IFT57: variants seen among roughly 807,000 people sequenced by gnomAD.
The protein encoded by IFT57 is intraflagellar transport 57.
Under a neutral mutation model 56.8 loss-of-function variants are expected in IFT57, and 59 were observed. The observed-to-expected ratio is 1.04, with a 90% confidence interval of 0.84 to 1.29. The LOEUF (loss-of-function observed/expected upper bound fraction) is 1.29. Ranked by LOEUF, IFT57 falls within the 50% of genes most tolerant of loss-of-function variation. IFT57 has a pLI of 0.00. For synonymous variants in IFT57, 209 were observed against 186.1 expected (o/e 1.12, Z -1.00); for missense variants, 470 against 522.1 (o/e 0.90, Z 0.97).
At chr3:108,176,549 T>C (rs933562305) in intron 6 of IFT57, among the ~76,000 whole-genome samples, 1 of 151,900 alleles carries the variant, frequency 6.6e-6, no homozygotes, top group African/African-American at 2.4e-5. Flanking sequence ...GAATGTTTAT[T>C]ATCCTGGTCG....
At chr3:108,183,387 T>G (rs1387056991) in intron 6 of IFT57, among the ~76,000 whole-genome samples, 1 of 152,138 alleles carries the variant, frequency 6.6e-6, no homozygotes, top group African/African-American at 2.4e-5. Context: ...ACAGCCTCTG[T>G]AGCAATCAGC....
chr3:108,209,177 C>T (rs1030003194), intron 4 of IFT57, among the ~76,000 whole-genome samples: 2 of 152,066 alleles, frequency 1.3e-5, no homozygotes, highest in African/African-American at 2.4e-5. Context: ...TGAATATATT[C>T]GTATGTATTT....
intron 5 of IFT57, among the ~76,000 whole-genome samples, chr3:108,196,821 A>G (rs921153354): frequency 1.1e-4 from 17 of 152,320 alleles, no homozygotes; most frequent in Non-Finnish European, 1.8e-4. Context: ...CCATGTTTGC[A>G]TATCTATTTC....
rs1560098050 is a variant in IFT57 at position 108,162,629 on chromosome 3, A to G, written c.1138T>C (p.Leu380=). 6.2e-7 allele frequency: 1 copy of G among 1,607,882 alleles called. No individual in the cohort carries two copies. Among genetic ancestry groups the G allele is most frequent in the Non-Finnish European group, 8.5e-7 (1 of 1,177,140 alleles). ...ACAGTTTCTTGCTTCAGTTTTGTTA[A>G]GCTCTGTTTAATCTTCACCAAAGGA... ...GAPLVKIKQS[L]TKLKQETVEM... Residue 380 remains leucine, a synonymous_variant, in exon 11 of 11, where the codon TTA becomes CTA. Transcript: ENST00000264538.
At chr3:108,186,611 T>A (rs1221963896) in intron 6 of IFT57, among the ~76,000 whole-genome samples, 1 of 152,150 alleles carries the variant, frequency 6.6e-6, no homozygotes, top group Non-Finnish European at 1.5e-5. Context: ...GCGGAAGAAT[T>A]GGTAATATAC....
intron 4 of IFT57, among the ~76,000 whole-genome samples, chr3:108,207,991 C>T (rs992633860): frequency 5.3e-5 from 8 of 149,908 alleles, no homozygotes; most frequent in East Asian, 2.0e-4. Context: ...TGCAATGAGC[C>T]GAGATTGTGC....
chr3:108,181,700 T>C (rs1027848106), intron 6 of IFT57, among the ~76,000 whole-genome samples: 3 of 152,128 alleles, frequency 2.0e-5, no homozygotes, highest in African/African-American at 7.2e-5. Flanking sequence ...TTTATGGCCT[T>C]ACTATATTAA....
intron 4 of IFT57, among the ~76,000 whole-genome samples, chr3:108,211,928 ATATAG>A (rs2080344360): frequency 2.0e-5 from 3 of 152,206 alleles, no homozygotes; most frequent in Admixed American, 6.5e-5. Context: ...ATTTTATAGC[ATATAG>A]TATAAGTTAC....
At chr3:108,165,971 T>C (rs1248356993) in intron 8 of IFT57, among the ~76,000 whole-genome samples, 2 of 152,094 alleles carry the variant, frequency 1.3e-5, no homozygotes, top group African/African-American at 4.8e-5. Context: ...ATATTAATAT[T>C]AGACAAATAC....
At chr3:108,216,518 T>C (rs1204487813) in intron 3 of IFT57, among the ~76,000 whole-genome samples, 2 of 152,128 alleles carry the variant, frequency 1.3e-5, no homozygotes, top group African/African-American at 4.8e-5. Context: ...CCTTGAACAC[T>C]ATTGGTAGGT....
Position 108,165,509 on chromosome 3 carries a change from T to C in IFT57, c.982-16A>G, listed in dbSNP as rs945552448. 1.2e-6 allele frequency: 2 copies of C among 1,607,422 alleles called. No individual in the cohort carries two copies. Among genetic ancestry groups the C allele is most frequent in the Admixed American group, 1.7e-5 (1 of 59,792 alleles). On this transcript the variant is annotated splice_polypyrimidine_tract_variant and intron_variant, in intron 8 of 10. Coordinates refer to ENST00000264538, the MANE Select transcript of IFT57 (RefSeq NM_018010.4). ...GCTCCTTTGCCTGAGAGGAAAAACA[T>C]TTTGTTTAATGGCAAATTCAAAGCA...
intron 6 of IFT57, among the ~76,000 whole-genome samples, chr3:108,181,182 T>C (rs1314170814): frequency 6.6e-6 from 1 of 152,062 alleles, no homozygotes; most frequent in Non-Finnish European, 1.5e-5. Context: ...GCAGGCATCA[T>C]CAACTATCTT....
chr3:108,190,911 G>A (rs2080211580), intron 6 of IFT57, among the ~76,000 whole-genome samples: 1 of 152,110 alleles, frequency 6.6e-6, no homozygotes, highest in Non-Finnish European at 1.5e-5. Context: ...TCCTGCCTCA[G>A]CCTCCTGAGT....
At chr3:108,180,050 T>C (rs936818744) in intron 6 of IFT57, among the ~76,000 whole-genome samples, 3 of 151,970 alleles carry the variant, frequency 2.0e-5, no homozygotes, top group Non-Finnish European at 2.9e-5. Flanking sequence ...AATAAAACAC[T>C]GTACATCATC....
intron 5 of IFT57, among the ~76,000 whole-genome samples, chr3:108,197,383 T>C (rs1368746294): frequency 2.0e-5 from 3 of 152,120 alleles, no homozygotes; most frequent in African/African-American, 7.2e-5. Flanking sequence ...GAGAAACTGA[T>C]GAGATGGGAA....
chr3:108,171,612 G>C (rs901880636), intron 6 of IFT57, among the ~76,000 whole-genome samples: 1 of 151,698 alleles, frequency 6.6e-6, no homozygotes, highest in African/African-American at 2.4e-5. Flanking sequence ...ACACAGAGTT[G>C]ACAACGGAAC....
chr3:108,174,339 C>A (rs1200992869), intron 6 of IFT57, among the ~76,000 whole-genome samples: 3 of 104,610 alleles, frequency 2.9e-5, no homozygotes, highest in African/African-American at 1.0e-4. Flanking sequence ...AAGTTTGTGT[C>A]AAAATGAAGA....
chr3:108,170,161 A>T (rs2080085221), intron 6 of IFT57, among the ~76,000 whole-genome samples: 1 of 151,980 alleles, frequency 6.6e-6, no homozygotes, highest in African/African-American at 2.4e-5. Flanking sequence ...CAATCAGGCA[A>T]TAGAAAGAAA....
At chr3:108,221,153 C>A (rs1200504324) in intron 1 of IFT57, among the ~76,000 whole-genome samples, 2 of 152,112 alleles carry the variant, frequency 1.3e-5, no homozygotes, top group African/African-American at 4.8e-5. Context: ...GCCTACATAT[C>A]TTTCAATTCA....
Sources: allele counts gnomAD v4.1 joint callset (sites outside exome capture counted in the v4.1 genomes callset), GRCh38; gene constraint gnomAD v4.1.1; transcripts MANE v1.5; gene names NCBI Gene and HGNC (gene_info 2026-07-23, HGNC 2026-07-21).